The following CLSTN1 variants were observed in gnomAD, a reference collection of about 807,000 sequenced individuals.
The protein encoded by CLSTN1 is calsyntenin-1.
CLSTN1 carries 28 observed loss-of-function variants against 108.3 expected under a neutral mutation model. The observed-to-expected ratio is 0.26, with a 90% confidence interval of 0.19 to 0.35. CLSTN1 has a LOEUF of 0.35. Ranked by LOEUF, CLSTN1 falls within the 10% of genes least tolerant of loss-of-function variation. CLSTN1 has a pLI of 1.00. For synonymous variants in CLSTN1, 524 were observed against 534.9 expected, an observed-to-expected ratio of 0.98 and a Z score of 0.28; for missense variants, 1,157 against 1,302.6, an observed-to-expected ratio of 0.89 and a Z score of 1.72.
At position 9,798,742 on chromosome 1, in the gene CLSTN1, C is replaced by A. The variant is rs140384380; in HGVS notation, c.91+24901G>T. On this transcript the variant is annotated intron_variant, in intron 1 of 18. Coordinates refer to ENST00000377298, the MANE Select transcript of CLSTN1 (RefSeq NM_001009566.3). ...TTTTAAAATGTGATGCTGGGGCTTC[C>A]AGTTTCCAGTACAGCATGTTAGGAG... 2.0e-5 allele frequency among the ~76,000 whole-genome samples: 3 copies of A among 152,240 alleles called. No individual in the cohort carries two copies. The East Asian group carries it at 5.8e-4, about 29-fold the overall frequency.
chr1:9,776,560 C>T (rs1652952568), intron 1 of CLSTN1, among the ~76,000 whole-genome samples: 1 of 152,090 alleles, frequency 6.6e-6, no homozygotes, highest in Non-Finnish European at 1.5e-5. Flanking sequence ...AACTCAGACA[C>T]AGCCATTTCT....
chr1:9,813,761 T>G (rs1346217889), intron 1 of CLSTN1, among the ~76,000 whole-genome samples: 1 of 152,164 alleles, frequency 6.6e-6, no homozygotes, highest in African/African-American at 2.4e-5. Context: ...CAATTTAAAT[T>G]TATGACATTC....
chr1:9,773,507 G>A, intron 1 of CLSTN1, 113 bp from the exon 2 acceptor site: 4 of 1,178,420 alleles, frequency 3.4e-6, no homozygotes, highest in Non-Finnish European at 4.6e-6. Flanking sequence ...CATTAGGCTT[G>A]AAGACAGTGC....
chr1:9,739,687 TTAAAA>T (rs1650870849), intron 10 of CLSTN1, among the ~76,000 whole-genome samples: 2 of 152,034 alleles, frequency 1.3e-5, no homozygotes, highest in African/African-American at 4.8e-5. Context: ...TTATAAAAAA[TTAAAA>T]TAATAACAAT....
chr1:9,812,249 C>T (rs1450635158), intron 1 of CLSTN1, among the ~76,000 whole-genome samples: 1 of 152,150 alleles, frequency 6.6e-6, no homozygotes, highest in African/African-American at 2.4e-5. Flanking sequence ...TTCTCACTGT[C>T]CACTGAGAAC....
intron 2 of CLSTN1, among the ~76,000 whole-genome samples, chr1:9,770,713 G>T (rs1385383538): frequency 6.6e-6 from 1 of 152,214 alleles, no homozygotes; most frequent in Non-Finnish European, 1.5e-5. Context: ...TGCATTATTG[G>T]CTGGGTGTGG....
intron 6 of CLSTN1, 21 bp from the exon 7 acceptor site, chr1:9,749,667 G>A: frequency 6.2e-7 from 1 of 1,612,414 alleles, no homozygotes; most frequent in Non-Finnish European, 8.5e-7. Flanking sequence ...CCACAAGTCA[G>A]CAGGGGAAGA....
intron 5 of CLSTN1, chr1:9,750,156 A>C (rs1016796156): frequency 3.1e-5 from 13 of 423,390 alleles, no homozygotes; most frequent in African/African-American, 2.2e-4. Context: ...ACTTACTCTC[A>C]CAGTGTTACA....
At position 9,730,810 on chromosome 1, in the gene CLSTN1, G is replaced by A. The variant is rs529975183; in HGVS notation, c.2749-105C>T. 99 of 1,090,972 alleles carry A rather than the reference G, an allele frequency of 9.1e-5. No individual in the cohort carries two copies. In the East Asian group the frequency reaches 1.6e-3, roughly 18 times the overall value. 67.6% of individuals were successfully genotyped at this position (1,090,972 alleles called of 1,614,324 possible). A position where few individuals can be genotyped will look rare whatever the true frequency, so the allele number is the denominator to read the frequency against. On this transcript the variant is annotated intron_variant, in intron 18 of 18. Coordinates refer to ENST00000377298, the MANE Select transcript of CLSTN1 (RefSeq NM_001009566.3). This position sits in a 1 kb window ranked among gnomAD's most constrained non-coding sequence, Gnocchi z 5.6. ...CAGAGGAAGGAGAACTTGCCCCAGC[G>A]TCTCCCTCCCCAGCGACAGAGCAGC...
Position 9,823,621 on chromosome 1 carries a change from C to T in CLSTN1, c.91+22G>A, listed in dbSNP as rs987382580. The T allele has an allele frequency of 1.1e-5, 13 of 1,179,188 alleles. No individual in the cohort carries two copies. The highest frequency in any genetic ancestry group is 1.3e-5 in the Non-Finnish European group (12 of 952,276). 73.0% of individuals were successfully genotyped at this position (1,179,188 alleles called of 1,614,324 possible). A position where few individuals can be genotyped will look rare whatever the true frequency, so the allele number is the denominator to read the frequency against. On this transcript the variant is annotated intron_variant, in intron 1 of 18. Coordinates refer to ENST00000377298, the MANE Select transcript of CLSTN1 (RefSeq NM_001009566.3). This position sits in a 1 kb window ranked among gnomAD's most constrained non-coding sequence, Gnocchi z 6.3. Reference sequence around the variant, plus strand: ...CCGAATCCCGCACCGACCCAGCGGCCCGGCCCAGCCCCGGGGCTTACCTCG... The same window carrying T: ...CCGAATCCCGCACCGACCCAGCGGCTCGGCCCAGCCCCGGGGCTTACCTCG...
intron 1 of CLSTN1, among the ~76,000 whole-genome samples, chr1:9,802,709 G>A (rs1017999129): frequency 6.6e-6 from 1 of 152,040 alleles, no homozygotes; most frequent in Non-Finnish European, 1.5e-5. Context: ...TGACGACAAT[G>A]GCAACTTCAC....
Position 9,730,254 on chromosome 1 carries a change from G to C in CLSTN1, c.*254C>G. On this transcript the variant is annotated 3_prime_UTR_variant, in exon 19 of 19. Coordinates refer to ENST00000377298, the MANE Select transcript of CLSTN1 (RefSeq NM_001009566.3). This position sits in a 1 kb window ranked among gnomAD's most constrained non-coding sequence, Gnocchi z 5.6. Reference sequence around the variant, plus strand: ...CACAAACGCGGGGCCTGAGGCGCTGGGAGGCCCCTGTGCGAGCCGGATGGC... The same window carrying C: ...CACAAACGCGGGGCCTGAGGCGCTGCGAGGCCCCTGTGCGAGCCGGATGGC... 1.8e-6 allele frequency: 1 copy of C among 565,180 alleles called. No individual in the cohort carries two copies. Among genetic ancestry groups the C allele is most frequent in the Non-Finnish European group, 3.2e-6 (1 of 314,148 alleles). 35.0% of individuals were successfully genotyped at this position (565,180 alleles called of 1,614,324 possible). A position where few individuals can be genotyped will look rare whatever the true frequency, so the allele number is the denominator to read the frequency against.
At chr1:9,769,098 C>T (rs1400947335) in intron 2 of CLSTN1, among the ~76,000 whole-genome samples, 5 of 122,442 alleles carry the variant, frequency 4.1e-5, no homozygotes, top group South Asian at 5.2e-4. Context: ...AGGGAGGAAG[C>T]GAAGGAGGGA....
intron 2 of CLSTN1, among the ~76,000 whole-genome samples, chr1:9,761,256 G>A (rs770075598): frequency 1.3e-5 from 2 of 152,140 alleles, no homozygotes; most frequent in Non-Finnish European, 2.9e-5. Flanking sequence ...ACTTTGGGAG[G>A]CTGAGGTGGG....
rs200543679 is a variant in CLSTN1, at chr1:9,741,116, G to C, written c.1497C>G (p.Leu499=). Reference sequence around the variant, plus strand: ...TACCTTGCCAGCAAGCCCCCACCACGAGCTGAGTTTCTATCTTGGATGGAT... The same window carrying C: ...TACCTTGCCAGCAAGCCCCCACCACCAGCTGAGTTTCTATCTTGGATGGAT... The part of the protein sequence containing the change: ...PLHPSKIETQ[L]VVGACWQEFS... Residue 499 remains leucine (L), a synonymous_variant, in exon 10 of 19, where the codon CTC becomes CTG. Transcript: ENST00000377298. 1 of 1,613,662 alleles carries C rather than the reference G, an allele frequency of 6.2e-7. No individual in the cohort carries two copies. Among genetic ancestry groups the C allele is most frequent in the South Asian group, 1.1e-5 (1 of 91,062 alleles).
At chr1:9,787,387 A>C (rs1032023285) in intron 1 of CLSTN1, among the ~76,000 whole-genome samples, 3 of 151,100 alleles carry the variant, frequency 2.0e-5, no homozygotes, top group African/African-American at 7.3e-5. Context: ...TTGAAAGCTT[A>C]AAGTGAGCCT....
intron 7 of CLSTN1, 102 bp from the exon 8 acceptor site, chr1:9,744,745 G>A: frequency 1.5e-6 from 2 of 1,356,078 alleles, no homozygotes; most frequent in Non-Finnish European, 9.7e-7. Flanking sequence ...CAATCTGCTG[G>A]CTCCAGTTTA....
chr1:9,740,839 T>C (rs992684546), intron 10 of CLSTN1, among the ~76,000 whole-genome samples: 2 of 152,158 alleles, frequency 1.3e-5, no homozygotes, highest in East Asian at 3.8e-4. Flanking sequence ...TGTGGAACGC[T>C]CCCTCTTGGG....
Position 9,823,833 on chromosome 1 carries a change from G to C in CLSTN1, c.-100C>G, listed in dbSNP as rs1419638598. On this transcript the variant is annotated 5_prime_UTR_variant, in exon 1 of 19. Coordinates refer to ENST00000377298, the MANE Select transcript of CLSTN1 (RefSeq NM_001009566.3). This position sits in a 1 kb window ranked among gnomAD's most constrained non-coding sequence, Gnocchi z 6.3. ...GGGGCCTGGGGCTAGCTGCTCCGCG[G>C]CGCGGGGAGCTCCGGGGGTCCAAGG... The C allele has an allele frequency of 3.8e-5, 19 of 496,324 alleles. No homozygotes were observed. The highest frequency in any genetic ancestry group is 4.7e-5 in the Non-Finnish European group (18 of 379,070). 30.7% of individuals were successfully genotyped at this position (496,324 alleles called of 1,614,324 possible).
Sources: allele counts gnomAD v4.1 joint callset (sites outside exome capture counted in the v4.1 genomes callset), GRCh38; gene constraint gnomAD v4.1.1; non-coding constraint Gnocchi (gnomAD v3.1); transcripts MANE v1.5; gene names NCBI Gene and HGNC (gene_info 2026-07-23, HGNC 2026-07-21).